The following AKAP1 variants were observed in gnomAD, a reference collection of about 807,000 sequenced individuals.
The protein encoded by AKAP1 is A-kinase anchoring protein 1.
AKAP1 carries 32 observed loss-of-function variants against 79.8 expected under a neutral mutation model. That is an observed-to-expected ratio of 0.40 (90% CI 0.30 to 0.54). AKAP1 has a LOEUF of 0.54. Ranked by LOEUF, AKAP1 falls within the 20% of genes least tolerant of loss-of-function variation. The pLI, the probability that AKAP1 is intolerant of heterozygous loss-of-function variation, is 0.47. For missense variants in AKAP1, 961 were observed against 1,138.9 expected, an observed-to-expected ratio of 0.84 and a Z score of 2.25; for synonymous variants, 416 against 466.7, an observed-to-expected ratio of 0.89 and a Z score of 1.40.
rs772503994 is a variant in AKAP1, at chr17:57,111,893, C to G, written c.1944C>G (p.Tyr648Ter). 1.2e-6 allele frequency: 2 copies of G among 1,614,126 alleles called. No homozygotes were observed. The highest frequency in any genetic ancestry group is 3.3e-5 in the Admixed American group (2 of 60,012). The change falls in exon 4 of 11, where the codon TAC becomes TAG. Residue 648 changes from tyrosine to a stop codon, truncating the protein, a stop_gained. Coordinates refer to ENST00000337714, the MANE Select transcript of AKAP1 (RefSeq NM_003488.4). LOFTEE classifies it high-confidence loss of function. Reference protein sequence around the residue: ...GAKIYISTLPYTQSVQICHIE... With the variant: ...GAKIYISTLP Reference sequence around the variant, plus strand: ...AGATCTACATTTCAACCCTGCCTTACACCCAGAGCGTCCAGATCTGCCACA... The same window carrying G: ...AGATCTACATTTCAACCCTGCCTTAGACCCAGAGCGTCCAGATCTGCCACA...
intron 1 of AKAP1, among the ~76,000 whole-genome samples, chr17:57,090,706 T>A (rs2144628809): frequency 6.6e-6 from 1 of 152,272 alleles, no homozygotes; most frequent in Non-Finnish European, 1.5e-5. Context: ...TACAGGATCC[T>A]ACTCTTAACT....
chr17:57,089,832 C>T (rs1913674542), intron 1 of AKAP1, among the ~76,000 whole-genome samples: 1 of 152,176 alleles, frequency 6.6e-6, no homozygotes, highest in African/African-American at 2.4e-5. Context: ...CAGAAAGGAC[C>T]TGGGGACAGG....
chr17:57,112,624 C>A lies in AKAP1; in HGVS notation c.2103+6C>A. The A allele has an allele frequency of 6.2e-7, 1 of 1,605,208 alleles. No homozygotes were observed. The highest frequency in any genetic ancestry group is 8.5e-7 in the Non-Finnish European group (1 of 1,176,030). ...CTCTGCCGATGACATCCTGGGTGAG[C>A]GTGCTACTGGGTGATCCGGACTTCT... On this transcript the variant is annotated splice_donor_region_variant and intron_variant, in intron 5 of 10. Transcript: ENST00000337714.
intron 1 of AKAP1, among the ~76,000 whole-genome samples, chr17:57,104,673 G>A (rs938383250): frequency 6.6e-6 from 1 of 152,226 alleles, no homozygotes; most frequent in African/African-American, 2.4e-5. Flanking sequence ...AGCTAGCATT[G>A]CGAGAGAGTA....
chr17:57,108,873 A>G lies in AKAP1; in HGVS notation c.1715-1152A>G, dbSNP rs574129915. On this transcript the variant is annotated intron_variant, in intron 2 of 10. Coordinates refer to ENST00000337714, the MANE Select transcript of AKAP1 (RefSeq NM_003488.4). ...CCATTCTGTGGGGCAGAGGCTGGAT[A>G]CTGTGAGTGAGCAGAGCTCCCCGCC... Among the ~76,000 whole-genome samples the G allele has an allele frequency of 5.3e-5, 8 of 152,292 alleles. 2 individuals carry two copies. The highest frequency in any genetic ancestry group is 1.9e-4 in the African/African-American group (8 of 41,548).
At position 57,120,284 on chromosome 17, in the gene AKAP1, G is replaced by T. The variant is rs764064344; in HGVS notation, c.2672G>T (p.Gly891Val). The part of the protein sequence containing the change: ...VLINRSLVER[G>V]LAQWVDSYYT... ...ATAAACCGGTCCCTGGTGGAGCGAGGCCTTGCCCAGTGGGTAGACAGCTAC... is the reference window on the plus strand; with the variant it reads ...ATAAACCGGTCCCTGGTGGAGCGAGTCCTTGCCCAGTGGGTAGACAGCTAC... Residue 891 changes from glycine to valine, a missense_variant, in exon 11 of 11, where the codon GGC becomes GTC. Physicochemically the swap from Gly to Val is moderately radical, Grantham distance 109 (BLOSUM62 -3). Coordinates refer to ENST00000337714, the MANE Select transcript of AKAP1 (RefSeq NM_003488.4). The T allele has an allele frequency of 1.9e-6, 3 of 1,613,868 alleles. No homozygotes were observed. In the Admixed American group the frequency reaches 5.0e-5, roughly 27 times the overall value.
chr17:57,118,491 TG>T, intron 9 of AKAP1, 37 bp downstream of exon 9: 3 of 1,607,364 alleles, frequency 1.9e-6, no homozygotes, highest in Non-Finnish European at 2.6e-6. Flanking sequence ...GCAGGCTGGC[TG>T]GGTTCTTGGG....
In AKAP1 at chr17:57,120,597, A is replaced by C; in HGVS notation, c.*273A>C. The C allele has an allele frequency of 3.0e-6, 1 of 336,502 alleles. No homozygotes were observed. The highest frequency in any genetic ancestry group is 5.4e-6 in the Non-Finnish European group (1 of 184,498). 20.8% of individuals were successfully genotyped at this position (336,502 alleles called of 1,614,324 possible). On this transcript the variant is annotated 3_prime_UTR_variant, in exon 11 of 11. Transcript: ENST00000337714. ...AAAAAAAAAAAAAAAAGGAATAGAA[A>C]CAGTTTCAACCAGATTGTCCTATTC... is the stretch of plus-strand genomic sequence containing the variant.
intron 3 of AKAP1, 28 bp from the exon 4 acceptor site, chr17:57,111,770 C>G (rs1227374825): frequency 6.2e-7 from 1 of 1,612,472 alleles, no homozygotes; most frequent in Admixed American, 1.7e-5. Context: ...CCCTTTAACC[C>G]TCTCATCTCT....
Position 57,116,937 on chromosome 17 carries a change from G to A in AKAP1, c.2500+10G>A. The A allele has an allele frequency of 6.2e-7, 1 of 1,613,668 alleles. No homozygotes were observed. The highest frequency in any genetic ancestry group is 8.5e-7 in the Non-Finnish European group (1 of 1,179,550). On this transcript the variant is annotated intron_variant, in intron 8 of 10. Transcript: ENST00000337714. ...GTGATGCCCCTGTCAGGTAACAGCTGAGGCCTTTGGCTTGGGGGATTGTTG... is the reference window on the plus strand; with the variant it reads ...GTGATGCCCCTGTCAGGTAACAGCTAAGGCCTTTGGCTTGGGGGATTGTTG...
chr17:57,111,960 T>C, intron 4 of AKAP1, 36 bp downstream of exon 4: 3 of 1,596,528 alleles, frequency 1.9e-6, no homozygotes, highest in Non-Finnish European at 2.6e-6. Flanking sequence ...GCCTCTTACC[T>C]GAAATATTAA....
At chr17:57,097,340 A>G (rs1438072485) in intron 1 of AKAP1, among the ~76,000 whole-genome samples, 2 of 152,226 alleles carry the variant, frequency 1.3e-5, no homozygotes, top group East Asian at 1.9e-4. Flanking sequence ...TTCCATCAGA[A>G]TCGTGTGCTT....
intron 6 of AKAP1, among the ~76,000 whole-genome samples, chr17:57,115,215 G>A (rs1915506371): frequency 1.3e-5 from 2 of 152,174 alleles, no homozygotes; most frequent in Non-Finnish European, 2.9e-5. Context: ...AGGATGGAAT[G>A]TCAGAACATC....
chr17:57,101,067 C>G (rs1030461701), intron 1 of AKAP1, among the ~76,000 whole-genome samples: 4 of 152,236 alleles, frequency 2.6e-5, no homozygotes, highest in African/African-American at 9.6e-5. Flanking sequence ...TGGGCAGCCC[C>G]CAAACTAGAA....
chr17:57,118,038 G>A (rs1175492980), intron 8 of AKAP1, among the ~76,000 whole-genome samples: 1 of 152,070 alleles, frequency 6.6e-6, no homozygotes, highest in Non-Finnish European at 1.5e-5. Flanking sequence ...TAATTTTGTG[G>A]AAGAACACAT....
Position 57,120,040 on chromosome 17 carries a change from G to A in AKAP1, c.2638-210G>A, listed in dbSNP as rs192555340. Among the ~76,000 whole-genome samples, 21 of 151,858 alleles carry A rather than the reference G, an allele frequency of 1.4e-4. 1 individual carries two copies. Among genetic ancestry groups the A allele is most frequent in the African/African-American group, 5.1e-4 (21 of 41,368 alleles). On this transcript the variant is annotated intron_variant, in intron 10 of 10. Transcript: ENST00000337714. Reference sequence around the variant, plus strand: ...GGGGTTTCACCATGTTGGCCAGGCTGGTCTCGAACTCCTGACCTCAGGTGA... The same window carrying A: ...GGGGTTTCACCATGTTGGCCAGGCTAGTCTCGAACTCCTGACCTCAGGTGA...
Position 57,120,492 on chromosome 17 carries a change from T to G in AKAP1, c.*168T>G. On this transcript the variant is annotated 3_prime_UTR_variant, in exon 11 of 11. Transcript: ENST00000337714. ...ACATTTCGTCTCTGAGAAAAAAGGA[T>G]GGAACTATGGGTTCTCTTCGCAAAG... 1.7e-6 allele frequency: 1 copy of G among 599,172 alleles called. No homozygotes were observed. Among genetic ancestry groups the G allele is most frequent in the Non-Finnish European group, 2.9e-6 (1 of 350,398 alleles). The allele number at this position is 599,172 out of a possible 1,614,324, so 37.1% of individuals were successfully genotyped here. A position where few individuals can be genotyped will look rare whatever the true frequency, so the allele number is the denominator to read the frequency against.
chr17:57,112,714 G>C (rs1915327771), intron 5 of AKAP1, 96 bp downstream of exon 5: 2 of 1,470,320 alleles, frequency 1.4e-6, no homozygotes, highest in Non-Finnish European at 1.8e-6. Flanking sequence ...AGAAGGCCAA[G>C]TGCACATGAG....
In AKAP1 at chr17:57,106,450, A is replaced by AG. The variant is rs776583967; in HGVS notation, c.987dup (p.Ser330GlufsTer4). 14 of 1,478,472 alleles carry AG rather than the reference A, an allele frequency of 9.5e-6. No homozygotes were observed. Among genetic ancestry groups the AG allele is most frequent in the Non-Finnish European group, 1.3e-5 (14 of 1,063,984 alleles). The allele number at this position is 1,478,472 out of a possible 1,614,324, so 91.6% of individuals were successfully genotyped here. On this transcript the variant is annotated frameshift_variant, in exon 2 of 11. Coordinates refer to ENST00000337714, the MANE Select transcript of AKAP1 (RefSeq NM_003488.4). LOFTEE classifies it high-confidence loss of function. Reference sequence around the variant, plus strand: ...GAGGAGGGCTTGGATAGAAATGAGGAGAGCTTGGATAGAAATGAGGAGGGC... The same window carrying AG: ...GAGGAGGGCTTGGATAGAAATGAGGAGGAGCTTGGATAGAAATGAGGAGGGC...
Sources: allele counts gnomAD v4.1 joint callset (sites outside exome capture counted in the v4.1 genomes callset), GRCh38; gene constraint gnomAD v4.1.1; transcripts MANE v1.5; gene names NCBI Gene and HGNC (gene_info 2026-07-23, HGNC 2026-07-21).